Variants in VAV2 observed in about 807,000 individuals in gnomAD.
VAV2 encodes the protein vav guanine nucleotide exchange factor 2.
Under a neutral mutation model 132.5 loss-of-function variants are expected in VAV2, and 67 were observed. The ratio of observed to expected loss-of-function variants is 0.51; its 90% CI spans 0.42 to 0.62. The LOEUF is 0.62. Ranked by LOEUF, VAV2 falls within the 20% of genes least tolerant of loss-of-function variation. The pLI is 0.00. For synonymous variants in VAV2, 492 were observed against 443.5 expected (o/e 1.11, Z -1.37); for missense variants, 938 against 1,153.6 (o/e 0.81, Z 2.71).
At position 133,763,128 on chromosome 9, in the gene VAV2, G is replaced by A. The variant is rs762395515; in HGVS notation, c.*934C>T. The A allele has an allele frequency of 6.6e-6, 1 of 152,606 alleles. No homozygotes were observed. Among genetic ancestry groups the A allele is most frequent in the Non-Finnish European group, 1.5e-5 (1 of 68,076 alleles). The allele number at this position is 152,606 out of a possible 1,614,324, so 9.5% of individuals were successfully genotyped here. Reference sequence around the variant, plus strand: ...GAACCAACCTCTCGTGCCAAGGCTGGGCAGACCCTCAGGGACCACCCTTCA... The same window carrying A: ...GAACCAACCTCTCGTGCCAAGGCTGAGCAGACCCTCAGGGACCACCCTTCA... On this transcript the variant is annotated 3_prime_UTR_variant, in exon 30 of 30. Transcript: ENST00000371850. This position sits in a 1 kb window ranked among gnomAD's most constrained non-coding sequence, Gnocchi z 6.8.
At chr9:133,944,382 G>A (rs905562409) in intron 1 of VAV2, among the ~76,000 whole-genome samples, 17 of 152,238 alleles carry the variant, frequency 1.1e-4, no homozygotes, top group African/African-American at 4.1e-4. Context: ...GCCGGGGGAG[G>A]CAAATCCACT....
intron 12 of VAV2, among the ~76,000 whole-genome samples, chr9:133,795,124 G>A (rs1834654874): frequency 6.6e-6 from 1 of 152,236 alleles, no homozygotes; most frequent in Admixed American, 6.5e-5. Context: ...GTGCCAGAGT[G>A]AGGAGCCCAT....
chr9:133,955,922 C>T lies in VAV2; in HGVS notation c.205-16703G>A, dbSNP rs573553320. On this transcript the variant is annotated intron_variant, in intron 1 of 29. Transcript: ENST00000371850. The stretch of plus-strand genomic sequence containing the variant: ...CTCAGTTCCTGCCGCTTCCGCTCAG[C>T]ACAAAGGCACGGCCCCTGCTGGAGG... Among the ~76,000 whole-genome samples the T allele has an allele frequency of 6.7e-5, 10 of 150,166 alleles. No homozygotes were observed. The South Asian group carries it at 1.9e-3, about 29-fold the overall frequency.
intron 21 of VAV2, among the ~76,000 whole-genome samples, chr9:133,779,357 C>A (rs1833925475): frequency 6.6e-6 from 1 of 152,214 alleles, no homozygotes; most frequent in African/African-American, 2.4e-5. Flanking sequence ...TTGCTCTGAC[C>A]CAGCCCTGCC....
intron 2 of VAV2, among the ~76,000 whole-genome samples, chr9:133,922,279 TGG>T (rs904332262): frequency 6.6e-6 from 1 of 152,238 alleles, no homozygotes; most frequent in Non-Finnish European, 1.5e-5. Context: ...TCTACCTGCC[TGG>T]GCTTCACATA....
At chr9:133,782,997 T>A (rs1834063465) in intron 19 of VAV2, among the ~76,000 whole-genome samples, 1 of 152,112 alleles carries the variant, frequency 6.6e-6, no homozygotes. Context: ...GCCTCAAGCT[T>A]CCCTAAATGG....
At chr9:133,793,245 G>A (rs114148217) in intron 12 of VAV2, among the ~76,000 whole-genome samples, 4,438 of 151,870 alleles carry the variant, frequency 0.029, 194 homozygotes, top group African/African-American at 0.1. Flanking sequence ...CAAGGGAGCC[G>A]GCCACGTGGG....
intron 1 of VAV2, among the ~76,000 whole-genome samples, chr9:133,940,977 T>G (rs1841126732): frequency 1.3e-5 from 2 of 150,856 alleles, no homozygotes; most frequent in African/African-American, 4.9e-5. Flanking sequence ...ACACACAGTT[T>G]CTGCTGCCAT....
At position 133,821,917 on chromosome 9, in the gene VAV2, GT is replaced by G. The variant is rs1010267855; in HGVS notation, c.450-9702del. ...CCCGTCTCATCCTTTCACTCCTGCT[GT>G]TTTCTGGGAGTCAGCTGCGCTGACA... On this transcript the variant is annotated intron_variant, in intron 4 of 29. Transcript: ENST00000371850. Among the ~76,000 whole-genome samples, 44 of 152,302 alleles carry G rather than the reference GT, an allele frequency of 2.9e-4. 1 individual carries two copies. Among genetic ancestry groups the G allele is most frequent in the Non-Finnish European group, 7.4e-5 (5 of 68,018 alleles).
At chr9:133,979,514 C>G (rs1277160765) in intron 1 of VAV2, among the ~76,000 whole-genome samples, 1 of 152,202 alleles carries the variant, frequency 6.6e-6, no homozygotes, top group Non-Finnish European at 1.5e-5. Context: ...CCGCAGCCGT[C>G]CGGAACTCGG....
intron 3 of VAV2, among the ~76,000 whole-genome samples, chr9:133,854,316 C>A (rs1212688863): frequency 6.6e-6 from 1 of 152,014 alleles, no homozygotes; most frequent in Non-Finnish European, 1.5e-5. Context: ...TGCACACACA[C>A]CCCCATGTGC....
chr9:133,987,175 T>C (rs1055067504), intron 1 of VAV2, among the ~76,000 whole-genome samples: 1 of 152,068 alleles, frequency 6.6e-6, no homozygotes, highest in Non-Finnish European at 1.5e-5. Context: ...CCAGACACAC[T>C]GGGTCTGTCA....
intron 2 of VAV2, among the ~76,000 whole-genome samples, chr9:133,933,981 T>A (rs2519099): frequency 2.1e-5 from 3 of 140,408 alleles, no homozygotes; most frequent in African/African-American, 8.2e-5. Context: ...GATGGAAGGA[T>A]GGGTGAATGG....
chr9:133,950,635 C>T (rs977634124), intron 1 of VAV2, among the ~76,000 whole-genome samples: 2 of 152,180 alleles, frequency 1.3e-5, no homozygotes, highest in South Asian at 2.1e-4. Flanking sequence ...TTCCCTGAGC[C>T]GGCTTCCGAG....
At chr9:133,796,554 C>T (rs772918104) in intron 10 of VAV2, 30 bp from the exon 11 acceptor site, 30 of 1,599,234 alleles carry the variant, frequency 1.9e-5, no homozygotes, top group Non-Finnish European at 1.2e-5. Context: ...ATGGGAGAGC[C>T]CTCCCCGAGG....
rs183828636 is a variant in VAV2 at position 133,878,907 on chromosome 9, G to A, written c.322-17475C>T. Among the ~76,000 whole-genome samples, 990 of 152,334 alleles carry A rather than the reference G, an allele frequency of 6.5e-3. 6 individuals carry two copies. Among genetic ancestry groups the A allele is most frequent in the South Asian group, 0.038 (182 of 4,830 alleles). On this transcript the variant is annotated intron_variant, in intron 2 of 29. Transcript: ENST00000371850. ...CTTTGCACATATGCCAGGCTCCTCC[G>A]CAGGGGCAGAAACCTTTTCCCCAGG... is the stretch of plus-strand genomic sequence containing the variant.
chr9:133,775,004 G>C lies in VAV2; in HGVS notation c.2066C>G (p.Ser689Cys), dbSNP rs780909333. 5.6e-6 allele frequency: 9 copies of C among 1,613,510 alleles called. No individual in the cohort carries two copies. The highest frequency in any genetic ancestry group is 1.7e-5 in the Admixed American group (1 of 60,008). ...ERQQTDNLLK[S>C]HASGTYLIRE... ...GATCAGGTAGGTCCCGCTGGCGTGG[G>C]ACTTGAGCAGGTTGTCCGTCTGCTG... Residue 689 changes from serine to cysteine, a missense_variant, in exon 25 of 30, where the codon TCC (serine) becomes TGC (cysteine). Ser to Cys is a moderately radical substitution (Grantham distance 112). Coordinates refer to ENST00000371850, the MANE Select transcript of VAV2 (RefSeq NM_001134398.2).
intron 2 of VAV2, among the ~76,000 whole-genome samples, chr9:133,889,074 G>A (rs147499086): frequency 1.1e-4 from 17 of 152,264 alleles, no homozygotes; most frequent in South Asian, 6.2e-4. Flanking sequence ...AGGCAGGTCC[G>A]GCAGGGATCT....
At chr9:133,817,101 C>T (rs529831260) in intron 4 of VAV2, among the ~76,000 whole-genome samples, 5 of 152,350 alleles carry the variant, frequency 3.3e-5, no homozygotes, top group African/African-American at 4.8e-5. Flanking sequence ...ACGATAACAT[C>T]TTCCAATCCA....
Sources: gnomAD v4.1 joint callset for allele counts (sites outside exome capture counted in the v4.1 genomes callset) on GRCh38, gnomAD v4.1.1 for gene constraint, Gnocchi (gnomAD v3.1) non-coding constraint, MANE v1.5 for transcripts, NCBI Gene and HGNC (gene_info 2026-07-23, HGNC 2026-07-21) for gene names.